The following CNKSR2 variants were observed in gnomAD, a reference collection of about 807,000 sequenced individuals.
The protein encoded by CNKSR2 is connector enhancer of kinase suppressor of Ras 2.
A neutral mutation model predicts 84.4 loss-of-function variants in CNKSR2; 14 were observed. The ratio of observed to expected loss-of-function variants is 0.17; its 90% CI spans 0.11 to 0.26. The LOEUF is 0.26. Among genes scored for constraint, CNKSR2 ranks in the 10% least tolerant of loss-of-function variants. CNKSR2 has a pLI of 1.00. For synonymous variants in CNKSR2, 275 were observed against 277.9 expected, an observed-to-expected ratio of 0.99 and a Z score of 0.10; for missense variants, 485 against 771.2, an observed-to-expected ratio of 0.63 and a Z score of 4.40.
intron 1 of CNKSR2, among the ~76,000 whole-genome samples, chrX:21,411,050 T>C (rs1212589443): frequency 1.8e-5 from 2 of 111,347 alleles, no homozygotes; most frequent in South Asian, 3.8e-4. Flanking sequence ...TTTGTGGAGA[T>C]TATTTCAGTC....
intron 4 of CNKSR2, among the ~76,000 whole-genome samples, chrX:21,456,786 C>T (rs2091000560): frequency 9.0e-6 from 1 of 111,108 alleles, no homozygotes; most frequent in Admixed American, 9.6e-5. Flanking sequence ...TTTGAGAAAC[C>T]TCCATACTGT....
intron 13 of CNKSR2, among the ~76,000 whole-genome samples, chrX:21,567,795 G>GGTTGTGTGT (rs1165907858): frequency 1.8e-4 from 16 of 90,138 alleles, no homozygotes; most frequent in African/African-American, 6.0e-4. Flanking sequence ...GTTTTTGTGT[G>GGTTGTGTGT]GTGTGTGTGT....
At chrX:21,573,843 G>A (rs1249953576) in intron 13 of CNKSR2, among the ~76,000 whole-genome samples, 1 of 111,770 alleles carries the variant, frequency 8.9e-6, no homozygotes, top group Non-Finnish European at 1.9e-5. Context: ...ATTAACATTC[G>A]GCTCCTTGTT....
chrX:21,517,146 A>C (rs1455270135), intron 9 of CNKSR2, among the ~76,000 whole-genome samples: 2 of 111,198 alleles, frequency 1.8e-5, no homozygotes, highest in Non-Finnish European at 3.8e-5. Context: ...GCACTTTAGG[A>C]GGCTGAGGTG....
chrX:21,491,936 T>C (rs919724214), intron 6 of CNKSR2: 33 of 111,112 alleles, frequency 3.0e-4, no homozygotes, highest in Non-Finnish European at 7.6e-5. Context: ...TAATACAACA[T>C]TGTATTAAAC....
At chrX:21,641,803 C>G in intron 20 of CNKSR2, 1 of 986,860 alleles carries the variant, frequency 1.0e-6, no homozygotes, top group Non-Finnish European at 1.3e-6. Context: ...ATAAGAGGGG[C>G]AGGCCACTCT....
At chrX:21,645,920 T>G (rs897226960) in intron 20 of CNKSR2, 3 of 112,019 alleles carry the variant, frequency 2.7e-5, no homozygotes, top group Admixed American at 9.5e-5. Context: ...GTCTTGAATG[T>G]TGAGTTCTGT....
intron 1 of CNKSR2, among the ~76,000 whole-genome samples, chrX:21,392,245 G>A (rs1162650266): frequency 1.8e-5 from 2 of 111,745 alleles, no homozygotes; most frequent in Admixed American, 9.5e-5. Context: ...TTCCAAAACT[G>A]CATCCACATT....
At chrX:21,637,203 CA>C (rs2092676172) in intron 20 of CNKSR2, 1 of 111,287 alleles carries the variant, frequency 9.0e-6, no homozygotes, top group South Asian at 3.7e-4. Flanking sequence ...CATAATATAA[CA>C]GTAGGTGGAT....
At chrX:21,530,549 G>C (rs1467480508) in intron 10 of CNKSR2, among the ~76,000 whole-genome samples, 1 of 111,118 alleles carries the variant, frequency 9.0e-6, no homozygotes, top group African/African-American at 3.3e-5. Context: ...TTATAATTTA[G>C]TTTATTCTAT....
At chrX:21,611,395 A>C (rs1413872314) in intron 20 of CNKSR2, among the ~76,000 whole-genome samples, 1 of 112,247 alleles carries the variant, frequency 8.9e-6, no homozygotes, top group African/African-American at 3.2e-5. Flanking sequence ...AAAACATTTC[A>C]TCATTCCTAC....
chrX:21,426,949 A>T (rs184421599), intron 2 of CNKSR2: 21 of 288,473 alleles, frequency 7.3e-5, no homozygotes, highest in African/African-American at 5.1e-4. Flanking sequence ...TGAACCACTC[A>T]TGTGCTAGGC....
At chrX:21,433,621 A>G (rs1182143314) in intron 3 of CNKSR2, among the ~76,000 whole-genome samples, 2 of 106,530 alleles carry the variant, frequency 1.9e-5, no homozygotes, top group African/African-American at 3.4e-5. Flanking sequence ...TCTTTCTTGA[A>G]TAATTGTCAG....
At chrX:21,467,282 G>A (rs891307339) in intron 4 of CNKSR2, among the ~76,000 whole-genome samples, 4 of 111,063 alleles carry the variant, frequency 3.6e-5, no homozygotes, top group Non-Finnish European at 5.7e-5. Context: ...AACTAGATCC[G>A]TACTTCTGGG....
At chrX:21,462,044 A>AT (rs749747845) in intron 4 of CNKSR2, among the ~76,000 whole-genome samples, 1 of 110,233 alleles carries the variant, frequency 9.1e-6, no homozygotes, top group South Asian at 3.8e-4. Flanking sequence ...ACATTTTAGG[A>AT]TTTTTTTTCT....
intron 20 of CNKSR2, among the ~76,000 whole-genome samples, chrX:21,632,534 AG>A (rs1177347988): frequency 1.8e-5 from 2 of 112,140 alleles, no homozygotes; most frequent in Non-Finnish European, 3.8e-5. Flanking sequence ...TTCCTTGGTC[AG>A]TTTCTGGTTT....
rs780281397 is a variant in CNKSR2, at chrX:21,501,595, A to G, written c.810+7A>G. 3 of 1,077,489 alleles carry G rather than the reference A, an allele frequency of 2.8e-6. No individual in the cohort carries two copies. The highest frequency in any genetic ancestry group is 3.8e-6 in the Non-Finnish European group (3 of 792,406). The allele number at this position is 1,077,489 out of a possible 1,213,427, so 88.8% of individuals were successfully genotyped here. ...AGTTAATCATCAGACTGTGGTATGT[A>G]TAATTAACTTAAGAGTCAGTGGGAG... On this transcript the variant is annotated splice_region_variant and intron_variant, in intron 8 of 21. Transcript: ENST00000379510.
rs1397199866 is a variant in CNKSR2, at chrX:21,426,608, G to T, written c.176G>T (p.Arg59Leu). 1 of 1,207,572 alleles carries T rather than the reference G, an allele frequency of 8.3e-7. No individual in the cohort carries two copies. Among genetic ancestry groups the T allele is most frequent in the South Asian group, 1.8e-5 (1 of 56,160 alleles). ...HQELEDLGVS[R>L]IGHQELILEA... ...GAGCTAGAAGATCTGGGGGTCAGCC[G>T]CATTGGCCATCAGGAACTGATCTTG... Residue 59 changes from arginine (R) to leucine (L), a missense_variant, in exon 2 of 22, where the codon CGC (arginine) becomes CTC (leucine). Arg to Leu is a moderately radical substitution (Grantham distance 102, BLOSUM62 -2). Around this residue, in one of 5 missense-constraint regions of CNKSR2, gnomAD observed 109 missense variants for 197.5 expected, o/e 0.55. Coordinates refer to ENST00000379510, the MANE Select transcript of CNKSR2 (RefSeq NM_014927.5).
intron 18 of CNKSR2, among the ~76,000 whole-genome samples, chrX:21,603,154 A>G (rs1307990790): frequency 8.9e-6 from 1 of 112,443 alleles, no homozygotes; most frequent in East Asian, 2.8e-4. Context: ...TAAGTAGAGA[A>G]TCATAGGCAG....
Sources: gnomAD v4.1 joint callset for allele counts (sites outside exome capture counted in the v4.1 genomes callset) on GRCh38, gnomAD v4.1.1 for gene constraint, gnomAD v4.1.1 regional missense constraint, MANE v1.5 for transcripts, NCBI Gene and HGNC (gene_info 2026-07-23, HGNC 2026-07-21) for gene names.